Variants in KRT20 observed in about 807,000 individuals in gnomAD.
KRT20 encodes the protein keratin, type I cytoskeletal 20.
KRT20 carries 41 observed loss-of-function variants against 43.0 expected under a neutral mutation model. That is an observed-to-expected ratio of 0.95 (90% CI 0.74 to 1.24). The LOEUF is 1.24. Among genes scored for constraint, KRT20 ranks in the 50% most tolerant of loss-of-function variants. The pLI is 0.00. For synonymous variants in KRT20, 207 were observed against 200.6 expected (o/e 1.03, Z -0.27); for missense variants, 533 against 521.2 (o/e 1.02, Z -0.22).
At chr17:40,876,709 C>G (rs182116473) in intron 7 of KRT20, among the ~76,000 whole-genome samples, 9 of 152,062 alleles carry the variant, frequency 5.9e-5, no homozygotes, top group Non-Finnish European at 1.3e-4. Flanking sequence ...AAGTGGAATT[C>G]AAATTTTGTC....
intron 1 of KRT20, among the ~76,000 whole-genome samples, chr17:40,883,140 ATAGT>A (rs774342272): frequency 1.1e-4 from 16 of 152,246 alleles, no homozygotes; most frequent in Admixed American, 2.0e-4. Context: ...AAATAATGAC[ATAGT>A]TATTTAACAT....
In KRT20 at chr17:40,884,904, G is replaced by C. The variant is rs551772853; in HGVS notation, c.282C>G (p.Ser94=). Residue 94 remains serine (S), a synonymous_variant, in exon 1 of 8, where the codon TCC becomes TCG. Transcript: ENST00000167588. ...TGATTTGCACTTCAAGTTTGGAGTT[G>C]GACTGCTCCAGGGTCCGCACCTTTT... The part of the protein sequence containing the change: ...YLEKVRTLEQ[S]NSKLEVQIKQ... 6.2e-7 allele frequency: 1 copy of C among 1,614,186 alleles called. No homozygotes were observed. The highest frequency in any genetic ancestry group is 2.2e-5 in the East Asian group (1 of 44,880).
In KRT20 at chr17:40,880,842, G is replaced by A. The variant is rs551271937; in HGVS notation, c.474-72C>T. ...TTATAAGGAGAGAATCTAATATAATGGGATAGGTTTTTAAATGTGGCTTAT... is the reference window on the plus strand; with the variant it reads ...TTATAAGGAGAGAATCTAATATAATAGGATAGGTTTTTAAATGTGGCTTAT... On this transcript the variant is annotated intron_variant, in intron 2 of 7. Transcript: ENST00000167588. 1,138 of 1,217,844 alleles carry A rather than the reference G, an allele frequency of 9.3e-4. 1 individual carries two copies. The highest frequency in any genetic ancestry group is 1.2e-3 in the South Asian group (60 of 48,222). 75.4% of individuals were successfully genotyped at this position (1,217,844 alleles called of 1,614,324 possible).
intron 2 of KRT20, 53 bp downstream of exon 2, chr17:40,882,519 A>G (rs1907641619): frequency 1.1e-6 from 1 of 883,160 alleles, no homozygotes; most frequent in East Asian, 2.8e-5. Context: ...ATCTGGAAGG[A>G]CTACTAAAGG....
Position 40,879,925 on chromosome 17 carries a change from T to C in KRT20, c.806A>G (p.Gln269Arg). Residue 269 changes from glutamine (Q) to arginine (R), a missense_variant, in exon 5 of 8, where the codon CAG (glutamine) becomes CGG (arginine). Coordinates refer to ENST00000167588, the MANE Select transcript of KRT20 (RefSeq NM_019010.3). The stretch of plus-strand genomic sequence containing the variant: ...TTCAGTATTCACTGTGACCTGTTGC[T>C]GCAGAACTGCAGTCTACAGTGCCAA... The part of the protein sequence containing the change: ...EQFERQTAVL[Q>R]QQVTVNTEEL... 1 of 1,613,692 alleles carries C rather than the reference T, an allele frequency of 6.2e-7. No homozygotes were observed. The highest frequency in any genetic ancestry group is 1.1e-5 in the South Asian group (1 of 91,060).
chr17:40,877,212 C>T (rs1039243096), intron 7 of KRT20, among the ~76,000 whole-genome samples, 168 bp downstream of exon 7: 8 of 152,196 alleles, frequency 5.3e-5, no homozygotes, highest in African/African-American at 1.4e-4. Context: ...GCCTCCAGAA[C>T]TGTGAGCCAA....
In KRT20 at chr17:40,876,357, C is replaced by T. The variant is rs374991185; in HGVS notation, c.*4G>A. ...CCTCAGCAGCATCTCCTTCTGGTAG[C>T]TATTTAGATATTTTCTTCCACCTCT... On this transcript the variant is annotated 3_prime_UTR_variant, in exon 8 of 8. Transcript: ENST00000167588. 11 of 1,585,292 alleles carry T rather than the reference C, an allele frequency of 6.9e-6. No homozygotes were observed. The highest frequency in any genetic ancestry group is 2.2e-5 in the East Asian group (1 of 44,724).
Position 40,880,018 on chromosome 17 carries a change from A to G in KRT20, c.793-80T>C, listed in dbSNP as rs1907527227. Reference sequence around the variant, plus strand: ...AGACAGAAAGAGAAAGGAAGAATGAACAAATGAAAAAGAAAATGAGTTATC... The same window carrying G: ...AGACAGAAAGAGAAAGGAAGAATGAGCAAATGAAAAAGAAAATGAGTTATC... On this transcript the variant is annotated intron_variant, in intron 4 of 7. Coordinates refer to ENST00000167588, the MANE Select transcript of KRT20 (RefSeq NM_019010.3). 5.6e-6 allele frequency: 9 copies of G among 1,596,184 alleles called. No homozygotes were observed. In the Admixed American group the frequency reaches 8.7e-5, roughly 15 times the overall value.
chr17:40,878,508 C>A (rs1907449579), intron 5 of KRT20, 143 bp from the exon 6 acceptor site: 2 of 654,424 alleles, frequency 3.1e-6, no homozygotes, highest in African/African-American at 1.8e-5. Flanking sequence ...TCCCACTCTT[C>A]CCAACTAGGC....
intron 2 of KRT20, 83 bp from the exon 3 acceptor site, chr17:40,880,853 T>C (rs1426596192): frequency 9.1e-7 from 1 of 1,101,922 alleles, no homozygotes; most frequent in East Asian, 2.7e-5. Context: ...GGATAGGTTT[T>C]TAAATGTGGC....
rs917192863 is a variant in KRT20 at position 40,876,090 on chromosome 17, T to C, written c.*271A>G. 35 of 321,882 alleles carry C rather than the reference T, an allele frequency of 1.1e-4. No homozygotes were observed. Among genetic ancestry groups the C allele is most frequent in the Non-Finnish European group, 2.8e-5 (5 of 176,008 alleles). The allele number at this position is 321,882 out of a possible 1,614,324, so 19.9% of individuals were successfully genotyped here. On this transcript the variant is annotated 3_prime_UTR_variant, in exon 8 of 8. Transcript: ENST00000167588. ...TAGGTGGTCTACAGCTTGTAATTGATGTGCTTCATGATAAAGATGGCAGTA... is the reference window on the plus strand; with the variant it reads ...TAGGTGGTCTACAGCTTGTAATTGACGTGCTTCATGATAAAGATGGCAGTA...
chr17:40,879,226 G>T (rs1379886370), intron 5 of KRT20, among the ~76,000 whole-genome samples: 2 of 152,190 alleles, frequency 1.3e-5, no homozygotes, highest in East Asian at 3.8e-4. Context: ...CATGGCTGCA[G>T]GCCACTGTGG....
chr17:40,884,981 T>C lies in KRT20; in HGVS notation c.205A>G (p.Asn69Asp). Residue 69 changes from asparagine to aspartate, a missense_variant, in exon 1 of 8, where the codon AAT (asparagine) becomes GAT (aspartate). Asn to Asp is a conservative substitution (Grantham distance 23). Transcript: ENST00000167588. ...AGGTTCTGCATGGCCATTTTCTCAT[T>C]GCCAACAAACAGGTCCCCGCCGCCT... ...LTGGGDLFVGNEKMAMQNLND... is the reference protein window; with the variant it reads ...LTGGGDLFVGDEKMAMQNLND... 6.2e-7 allele frequency: 1 copy of C among 1,614,202 alleles called. No individual in the cohort carries two copies. Among genetic ancestry groups the C allele is most frequent in the Non-Finnish European group, 8.5e-7 (1 of 1,180,044 alleles).
At position 40,884,820 on chromosome 17, in the gene KRT20, T is replaced by A. The variant is rs769526332; in HGVS notation, c.366A>T (p.Arg122Ser). 1 of 1,613,424 alleles carries A rather than the reference T, an allele frequency of 6.2e-7. No homozygotes were observed. ...CCTGACTTCGCAGCTCTTCAATTTG[T>A]CTGTAATATGCACTGTAGTCGCGAC... ...RAGRDYSAYY[R>S]QIEELRSQIK... Residue 122 changes from arginine (R) to serine (S), a missense_variant, in exon 1 of 8, where the codon AGA (arginine) becomes AGT (serine). By Grantham distance (110) the Arg-to-Ser change is moderately radical. Coordinates refer to ENST00000167588, the MANE Select transcript of KRT20 (RefSeq NM_019010.3).
Position 40,876,241 on chromosome 17 carries a change from T to C in KRT20, c.*120A>G. Reference sequence around the variant, plus strand: ...AATAGGATTCCCGCCACCCCACCCCTTCTAATCACTGCAGAGTATTAATAG... The same window carrying C: ...AATAGGATTCCCGCCACCCCACCCCCTCTAATCACTGCAGAGTATTAATAG... On this transcript the variant is annotated 3_prime_UTR_variant, in exon 8 of 8. Coordinates refer to ENST00000167588, the MANE Select transcript of KRT20 (RefSeq NM_019010.3). 1 of 512,624 alleles carries C rather than the reference T, an allele frequency of 2.0e-6. No homozygotes were observed. Among genetic ancestry groups the C allele is most frequent in the Non-Finnish European group, 3.6e-6 (1 of 275,570 alleles). 31.8% of individuals were successfully genotyped at this position (512,624 alleles called of 1,614,324 possible). A position where few individuals can be genotyped will look rare whatever the true frequency, so the allele number is the denominator to read the frequency against.
intron 5 of KRT20, among the ~76,000 whole-genome samples, chr17:40,878,959 G>A (rs11867501): frequency 0.024 from 3,705 of 151,994 alleles, 163 homozygotes; most frequent in African/African-American, 0.083. Flanking sequence ...ACACCACCAT[G>A]CCCAGCTTAT....
chr17:40,884,049 T>C (rs559638081), intron 1 of KRT20, among the ~76,000 whole-genome samples: 17 of 152,362 alleles, frequency 1.1e-4, no homozygotes, highest in African/African-American at 3.8e-4. Context: ...AAGTGCTCTG[T>C]GTCATATCTG....
intron 1 of KRT20, 63 bp downstream of exon 1, chr17:40,884,733 G>A: frequency 6.5e-7 from 1 of 1,541,994 alleles, no homozygotes; most frequent in Non-Finnish European, 8.8e-7. Context: ...ACCTAACATA[G>A]ATAACCTCTT....
At chr17:40,879,302 GTC>G (rs1426917965) in intron 5 of KRT20, among the ~76,000 whole-genome samples, 12 of 152,182 alleles carry the variant, frequency 7.9e-5, no homozygotes, top group African/African-American at 2.9e-4. Flanking sequence ...GGCCTGGAAT[GTC>G]TCTAGTCCAT....
Sources: allele counts gnomAD v4.1 joint callset (sites outside exome capture counted in the v4.1 genomes callset), GRCh38; gene constraint gnomAD v4.1.1; transcripts MANE v1.5; gene names NCBI Gene and HGNC (gene_info 2026-07-23, HGNC 2026-07-21).